CLRN1: variants seen among roughly 807,000 people sequenced by gnomAD.
CLRN1 encodes clarin 1, also known as clarin-1.
Under a neutral mutation model 18.7 loss-of-function variants are expected in CLRN1, and 15 were observed. The observed-to-expected ratio is 0.80, with a 90% CI of 0.54 to 1.23. CLRN1 has a LOEUF of 1.23. Ranked by LOEUF, CLRN1 falls within the 50% of genes most tolerant of loss-of-function variation. CLRN1 has a pLI of 0.00. For synonymous variants in CLRN1, 104 were observed against 102.9 expected (o/e 1.01, Z -0.07); for missense variants, 311 against 277.5 (o/e 1.12, Z -0.86).
intron 1 of CLRN1, chr3:150,945,404 C>T: frequency 1.2e-6 from 1 of 800,630 alleles, no homozygotes; most frequent in South Asian, 2.0e-5. Flanking sequence ...AAATGCATGC[C>T]TCATGGCCAC....
At chr3:150,954,550 CTCTG>C (rs1348154990) in intron 1 of CLRN1, among the ~76,000 whole-genome samples, 4 of 152,150 alleles carry the variant, frequency 2.6e-5, no homozygotes, top group Non-Finnish European at 2.9e-5. Context: ...CAAATATTTT[CTCTG>C]TCTGTGGCTT....
At chr3:150,948,007 T>C (rs2107962692) in intron 1 of CLRN1, among the ~76,000 whole-genome samples, 1 of 151,998 alleles carries the variant, frequency 6.6e-6, no homozygotes, top group East Asian at 1.9e-4. Flanking sequence ...CAAGAACAAG[T>C]CAACCCCAAA....
Position 150,928,080 on chromosome 3 carries a change from A to G in CLRN1, c.555T>C (p.Tyr185=). The G allele has an allele frequency of 1.2e-6, 2 of 1,613,898 alleles. No homozygotes were observed. Among genetic ancestry groups the G allele is most frequent in the Non-Finnish European group, 1.7e-6 (2 of 1,179,970 alleles). The stretch of plus-strand genomic sequence containing the variant: ...AGAAAATGACCCAGAATGAGGTGGT[A>G]TATTTTTCACTTTGCGTTTTGTAGA... ...TYVYKTQSEK[Y]TTSFWVIFFC... is the part of the protein sequence containing the mutation. Residue 185 remains tyrosine, a synonymous_variant, in exon 3 of 3, where the codon TAT becomes TAC. Transcript: ENST00000327047.
At chr3:150,937,539 T>A (rs1327342633) in intron 2 of CLRN1, among the ~76,000 whole-genome samples, 1 of 152,136 alleles carries the variant, frequency 6.6e-6, no homozygotes, top group Admixed American at 6.5e-5. Context: ...TTCAGATGAT[T>A]CTAATGTACA....
At chr3:150,969,984 A>C (rs1715455402) in intron 1 of CLRN1, among the ~76,000 whole-genome samples, 1 of 152,108 alleles carries the variant, frequency 6.6e-6, no homozygotes, top group East Asian at 1.9e-4. Flanking sequence ...TTCCTCTTAC[A>C]CTGGTAAGAT....
intron 1 of CLRN1, among the ~76,000 whole-genome samples, chr3:150,954,722 T>C (rs574016989): frequency 3.9e-5 from 6 of 152,246 alleles, no homozygotes; most frequent in Non-Finnish European, 7.3e-5. Flanking sequence ...GTTTCTCTCC[T>C]TGAAGTTTTT....
At chr3:150,935,426 A>AGGATGATG (rs1713418078) in intron 2 of CLRN1, among the ~76,000 whole-genome samples, 1 of 151,728 alleles carries the variant, frequency 6.6e-6, no homozygotes, top group African/African-American at 2.4e-5. Context: ...TAGTTTGCTG[A>AGGATGATG]GGATGATGGT....
At chr3:150,935,639 T>C (rs1167181425) in intron 2 of CLRN1, among the ~76,000 whole-genome samples, 1 of 151,230 alleles carries the variant, frequency 6.6e-6, no homozygotes, top group Non-Finnish European at 1.5e-5. Flanking sequence ...GCATGATTTA[T>C]AGTCCTTTGG....
chr3:150,947,998 A>G (rs1473144632), intron 1 of CLRN1, among the ~76,000 whole-genome samples: 1 of 152,150 alleles, frequency 6.6e-6, no homozygotes, highest in East Asian at 1.9e-4. Context: ...TTAGAGAAGC[A>G]AGAACAAGTC....
chr3:150,962,300 A>T (rs1008096844), intron 1 of CLRN1, among the ~76,000 whole-genome samples: 1 of 152,222 alleles, frequency 6.6e-6, no homozygotes, highest in East Asian at 1.9e-4. Flanking sequence ...TACCTCTAAT[A>T]AGAGTGTATC....
chr3:150,943,999 A>C (rs1412114625), intron 1 of CLRN1: 1 of 1,220,726 alleles, frequency 8.2e-7, no homozygotes, highest in Non-Finnish European at 1.2e-6. Context: ...AGCCTGCATC[A>C]ACAACAAGAT....
In CLRN1 at chr3:150,927,798, T is replaced by C; in HGVS notation, c.*138A>G. 5 of 1,086,246 alleles carry C rather than the reference T, an allele frequency of 4.6e-6. No homozygotes were observed. The highest frequency in any genetic ancestry group is 6.9e-6 in the Non-Finnish European group (5 of 720,234). The allele number at this position is 1,086,246 out of a possible 1,614,324, so 67.3% of individuals were successfully genotyped here. A position where few individuals can be genotyped will look rare whatever the true frequency, so the allele number is the denominator to read the frequency against. On this transcript the variant is annotated 3_prime_UTR_variant, in exon 3 of 3. Coordinates refer to ENST00000327047, the MANE Select transcript of CLRN1 (RefSeq NM_174878.3). The stretch of plus-strand genomic sequence containing the variant: ...CTTACTTTCCAGCCTGTATCCTTAG[T>C]ACGTAATTTGTAAACATTGTCACGA...
rs757308004 is a variant in CLRN1, at chr3:150,941,767, G to A, written c.254-6C>T. 3 of 1,613,652 alleles carry A rather than the reference G, an allele frequency of 1.9e-6. No homozygotes were observed. The highest frequency in any genetic ancestry group is 2.5e-6 in the Non-Finnish European group (3 of 1,179,670). On this transcript the variant is annotated splice_polypyrimidine_tract_variant and splice_region_variant and intron_variant, in intron 1 of 2. Coordinates refer to ENST00000327047, the MANE Select transcript of CLRN1 (RefSeq NM_174878.3). ...TTTGAGCAAATCTGGAAAAACTGAA[G>A]ATAAGACAAAACTAGGGTTAGAAGA...
intron 1 of CLRN1, among the ~76,000 whole-genome samples, chr3:150,962,188 A>G (rs1423526645): frequency 6.6e-6 from 1 of 152,180 alleles, no homozygotes; most frequent in Non-Finnish European, 1.5e-5. Context: ...AACTCCTGAG[A>G]ATGGCTTTGC....
intron 1 of CLRN1, among the ~76,000 whole-genome samples, chr3:150,954,232 T>TA (rs1164302903): frequency 6.6e-6 from 1 of 152,232 alleles, no homozygotes; most frequent in Non-Finnish European, 1.5e-5. Flanking sequence ...AAAGTGGCTG[T>TA]ACCATTCACC....
chr3:150,960,122 G>C (rs908711582), intron 1 of CLRN1, among the ~76,000 whole-genome samples: 1 of 152,164 alleles, frequency 6.6e-6, no homozygotes, highest in South Asian at 2.1e-4. Flanking sequence ...TACTATGCAT[G>C]TTGGTCTCGA....
chr3:150,944,790 A>G (rs371201971), intron 1 of CLRN1, among the ~76,000 whole-genome samples: 35 of 152,270 alleles, frequency 2.3e-4, no homozygotes, highest in African/African-American at 7.9e-4. Context: ...ATTACTTCAA[A>G]TTTTTTGTCC....
At chr3:150,941,395 A>G (rs1192397574) in intron 2 of CLRN1, 187 bp downstream of exon 2, 2 of 608,412 alleles carry the variant, frequency 3.3e-6, no homozygotes, top group Non-Finnish European at 2.9e-6. Context: ...ATAGATGTCC[A>G]TAAAGTATTT....
chr3:150,937,829 C>T (rs1026443324), intron 2 of CLRN1, among the ~76,000 whole-genome samples: 3 of 152,196 alleles, frequency 2.0e-5, no homozygotes, highest in Non-Finnish European at 2.9e-5. Flanking sequence ...GAAGCCTTTG[C>T]TGGCCTGGTC....
Sources: allele counts gnomAD v4.1 joint callset (sites outside exome capture counted in the v4.1 genomes callset), GRCh38; gene constraint gnomAD v4.1.1; transcripts MANE v1.5; gene names NCBI Gene and HGNC (gene_info 2026-07-23, HGNC 2026-07-21).